ARHGAP15: variants seen among roughly 807,000 people sequenced by gnomAD.
The protein encoded by ARHGAP15 is rho GTPase-activating protein 15.
In ARHGAP15, 51 loss-of-function variants were observed where a neutral mutation model predicts 63.7. The ratio of observed to expected loss-of-function variants is 0.80; its 90% confidence interval spans 0.64 to 1.01. ARHGAP15 has a LOEUF of 1.01. Ranked by LOEUF, ARHGAP15 falls within the 50% of genes least tolerant of loss-of-function variation. ARHGAP15 has a pLI of 0.00. For synonymous variants in ARHGAP15, 191 were observed against 193.8 expected, an observed-to-expected ratio of 0.99 and a Z score of 0.12; for missense variants, 560 against 564.6, an observed-to-expected ratio of 0.99 and a Z score of 0.08.
intron 6 of ARHGAP15, among the ~76,000 whole-genome samples, chr2:143,370,517 T>C (rs1686503173): frequency 2.2e-5 from 2 of 89,098 alleles, no homozygotes; most frequent in African/African-American, 5.8e-5. Flanking sequence ...AGTAGTACTA[T>C]TGTATCAAGT....
intron 6 of ARHGAP15, among the ~76,000 whole-genome samples, chr2:143,337,756 G>A (rs547983743): frequency 5.3e-4 from 80 of 152,242 alleles, no homozygotes; most frequent in African/African-American, 1.9e-3. Context: ...AAAGTGGAAG[G>A]TGTGCTGCTT....
At chr2:143,662,204 T>C (rs574310314) in intron 12 of ARHGAP15, among the ~76,000 whole-genome samples, 26 of 152,214 alleles carry the variant, frequency 1.7e-4, no homozygotes, top group South Asian at 6.2e-4. Context: ...TCTCCCAGCA[T>C]GCAGCTGGAG....
rs77403171 is a variant in ARHGAP15, at chr2:143,227,285, A to G, written c.297-1296A>G. 6.6e-3 allele frequency among the ~76,000 whole-genome samples: 1,002 copies of G among 152,250 alleles called. 6 individuals carry two copies. Among genetic ancestry groups the G allele is most frequent in the Non-Finnish European group, 9.9e-3 (674 of 67,982 alleles). The stretch of plus-strand genomic sequence containing the variant: ...GAGACTCAAAAGCCGCGATTTTACC[A>G]CTTGATTTAACTACTGTCATATCAA... On this transcript the variant is annotated intron_variant, in intron 4 of 13. Coordinates refer to ENST00000295095, the MANE Select transcript of ARHGAP15 (RefSeq NM_018460.4).
At chr2:143,300,494 G>T (rs553139056) in intron 6 of ARHGAP15, among the ~76,000 whole-genome samples, 65 of 152,140 alleles carry the variant, frequency 4.3e-4, no homozygotes, top group Non-Finnish European at 7.6e-4. Context: ...AGCCAGAAAT[G>T]TAGAATTGCT....
chr2:143,299,180 T>C (rs1397230048), intron 6 of ARHGAP15, among the ~76,000 whole-genome samples: 1 of 151,944 alleles, frequency 6.6e-6, no homozygotes, highest in Admixed American at 6.6e-5. Flanking sequence ...ACTTTTTTTA[T>C]TCAACTTATC....
At chr2:143,220,317 C>A (rs1258522078) in intron 4 of ARHGAP15, among the ~76,000 whole-genome samples, 1 of 152,088 alleles carries the variant, frequency 6.6e-6, no homozygotes, top group Non-Finnish European at 1.5e-5. Flanking sequence ...ATCCACCCAC[C>A]TTATGCGGGG....
At chr2:143,547,762 T>C (rs1695393996) in intron 10 of ARHGAP15, among the ~76,000 whole-genome samples, 1 of 151,896 alleles carries the variant, frequency 6.6e-6, no homozygotes, top group African/African-American at 2.4e-5. Context: ...ATATCCTACT[T>C]AACATGAATG....
At chr2:143,136,790 T>C (rs13390053) in intron 1 of ARHGAP15, among the ~76,000 whole-genome samples, 57,965 of 151,946 alleles carry the variant, frequency 0.38, 13,096 homozygotes, top group East Asian at 0.7. Flanking sequence ...TTTTTTGAGG[T>C]TCTATTGATA....
intron 11 of ARHGAP15, among the ~76,000 whole-genome samples, chr2:143,576,486 G>C (rs1696685720): frequency 6.6e-6 from 1 of 152,018 alleles, no homozygotes; most frequent in East Asian, 1.9e-4. Flanking sequence ...GCCTGAATAT[G>C]CACACCATGC....
chr2:143,170,539 A>G (rs1421516784), intron 2 of ARHGAP15, among the ~76,000 whole-genome samples: 1 of 152,122 alleles, frequency 6.6e-6, no homozygotes, highest in Admixed American at 6.6e-5. Context: ...TACTGACCCT[A>G]AGCCCTGAAA....
intron 11 of ARHGAP15, among the ~76,000 whole-genome samples, chr2:143,603,872 G>A (rs553838765): frequency 1.3e-5 from 2 of 152,248 alleles, no homozygotes; most frequent in Non-Finnish European, 2.9e-5. Context: ...TCTAAAAGAA[G>A]AAGAATAAAC....
chr2:143,376,194 A>C (rs1277467662), intron 6 of ARHGAP15, among the ~76,000 whole-genome samples: 1 of 152,226 alleles, frequency 6.6e-6, no homozygotes, highest in African/African-American at 2.4e-5. Flanking sequence ...AGCCATTTTA[A>C]GATAGATTTA....
At chr2:143,229,867 C>A (rs1156560927) in intron 5 of ARHGAP15, among the ~76,000 whole-genome samples, 2 of 152,148 alleles carry the variant, frequency 1.3e-5, no homozygotes, top group Non-Finnish European at 2.9e-5. Flanking sequence ...TAGCCTTTAT[C>A]CCCAAGTGGC....
intron 6 of ARHGAP15, among the ~76,000 whole-genome samples, chr2:143,367,374 C>T (rs1265686301): frequency 6.6e-6 from 1 of 151,746 alleles, no homozygotes; most frequent in African/African-American, 2.4e-5. Context: ...CTTTATTTGC[C>T]ATCTTTCCTT....
chr2:143,581,148 C>T (rs1696886376), intron 11 of ARHGAP15, among the ~76,000 whole-genome samples: 1 of 152,112 alleles, frequency 6.6e-6, no homozygotes, highest in African/African-American at 2.4e-5. Flanking sequence ...TCCATGTTTT[C>T]AGGCATACTC....
At chr2:143,522,699 G>A (rs1448002443) in intron 10 of ARHGAP15, among the ~76,000 whole-genome samples, 1 of 152,090 alleles carries the variant, frequency 6.6e-6, no homozygotes, top group Non-Finnish European at 1.5e-5. Flanking sequence ...TAGCTAATGA[G>A]CTTTAAAAAA....
intron 6 of ARHGAP15, among the ~76,000 whole-genome samples, chr2:143,327,975 G>A (rs1298804156): frequency 6.6e-6 from 1 of 151,762 alleles, no homozygotes; most frequent in Non-Finnish European, 1.5e-5. Context: ...AGACATTTAT[G>A]TGGCCAAAAA....
At chr2:143,189,502 C>CTT (rs771848951) in intron 2 of ARHGAP15, among the ~76,000 whole-genome samples, 2 of 140,286 alleles carry the variant, frequency 1.4e-5, no homozygotes, top group African/African-American at 2.6e-5. Flanking sequence ...TTCTTTCTTT[C>CTT]TTTTTTTTTT....
chr2:143,695,498 A>AC (rs1683802372), intron 12 of ARHGAP15, among the ~76,000 whole-genome samples: 1 of 152,188 alleles, frequency 6.6e-6, no homozygotes, highest in Non-Finnish European at 1.5e-5. Flanking sequence ...TGGTTTAAGA[A>AC]CTGGTTTCAG....
Sources: gnomAD v4.1 joint callset for allele counts (sites outside exome capture counted in the v4.1 genomes callset) on GRCh38, gnomAD v4.1.1 for gene constraint, MANE v1.5 for transcripts, NCBI Gene and HGNC (gene_info 2026-07-23, HGNC 2026-07-21) for gene names.